The following PTDSS2 variants were observed in gnomAD, a reference collection of about 807,000 sequenced individuals.
The protein encoded by PTDSS2 is PSS-2.
In PTDSS2, 41 loss-of-function variants were observed where a neutral mutation model predicts 64.7. The ratio of observed to expected loss-of-function variants is 0.63; its 90% confidence interval spans 0.49 to 0.82. PTDSS2 has a LOEUF of 0.82. Among genes scored for constraint, PTDSS2 ranks in the 40% least tolerant of loss-of-function variants. The pLI is 0.00. For synonymous variants in PTDSS2, 297 were observed against 277.8 expected, an observed-to-expected ratio of 1.07 and a Z score of -0.69; for missense variants, 485 against 650.0, an observed-to-expected ratio of 0.75 and a Z score of 2.76.
rs557932231 is a variant in PTDSS2 at position 480,963 on chromosome 11, A to G, written c.435+1811A>G. ...GCCGGGCGTGGTCGCGGGCGCCTGT[A>G]GTCCCAGCTGCTCGGGAGGCTGAGG... On this transcript the variant is annotated intron_variant, in intron 4 of 11. Coordinates refer to ENST00000308020, the MANE Select transcript of PTDSS2 (RefSeq NM_030783.3). Among the ~76,000 whole-genome samples the G allele has an allele frequency of 1.9e-3, 289 of 152,058 alleles. 1 individual carries two copies. The highest frequency in any genetic ancestry group is 6.8e-3 in the African/African-American group (282 of 41,496).
At chr11:483,397 G>C (rs112080680) in intron 4 of PTDSS2, among the ~76,000 whole-genome samples, 39 of 151,842 alleles carry the variant, frequency 2.6e-4, no homozygotes, top group Middle Eastern at 3.4e-3. Flanking sequence ...AGTGGAGAAG[G>C]TTCTGTGAGT....
intron 2 of PTDSS2, among the ~76,000 whole-genome samples, chr11:468,915 AG>A (rs1847265247): frequency 6.9e-6 from 1 of 144,360 alleles, no homozygotes; most frequent in African/African-American, 2.6e-5. Flanking sequence ...CGGAGGGAGG[AG>A]GGGAGTCTCT....
intron 5 of PTDSS2, 98 bp downstream of exon 5, chr11:487,171 CA>C: frequency 4.2e-6 from 5 of 1,181,256 alleles, no homozygotes; most frequent in Non-Finnish European, 6.1e-6. Context: ...CCTCAGCCCA[CA>C]CTTGGGGTCT....
chr11:478,238 A>C (rs961112823), intron 3 of PTDSS2, among the ~76,000 whole-genome samples: 1 of 152,046 alleles, frequency 6.6e-6, no homozygotes. Flanking sequence ...TTTTTTTAAC[A>C]TGATAAAAAG....
At chr11:487,545 ATG>A in intron 6 of PTDSS2, 75 bp downstream of exon 6, 1 of 1,402,248 alleles carries the variant, frequency 7.1e-7, no homozygotes, top group Non-Finnish European at 1.0e-6. Context: ...GTTTCTGTCC[ATG>A]GAGTTGAGCT....
intron 1 of PTDSS2, among the ~76,000 whole-genome samples, chr11:456,659 G>A (rs569204009): frequency 1.2e-4 from 18 of 152,316 alleles, no homozygotes; most frequent in Non-Finnish European, 1.3e-4. Context: ...AGGAGGACAC[G>A]TTCTGTAAGT....
At position 479,481 on chromosome 11, in the gene PTDSS2, AG is replaced by A. The variant is rs1156617803; in HGVS notation, c.435+332del. 7.3e-6 allele frequency: 3 copies of A among 413,776 alleles called. No homozygotes were observed. The Admixed American group carries it at 1.2e-4, about 16-fold the overall frequency. 25.6% of individuals were successfully genotyped at this position (413,776 alleles called of 1,614,324 possible). On this transcript the variant is annotated intron_variant, in intron 4 of 11. Coordinates refer to ENST00000308020, the MANE Select transcript of PTDSS2 (RefSeq NM_030783.3). The surrounding 1 kb of genome is among the most constrained non-coding windows in gnomAD (Gnocchi z 4.2). Reference sequence around the variant, plus strand: ...CAGTGGTGCAGGCACAGAAGAGGGCAGGGCCAGTGGTGCAGCTGCCAGGGTG... The same window carrying A: ...CAGTGGTGCAGGCACAGAAGAGGGCAGGCCAGTGGTGCAGCTGCCAGGGTG...
At chr11:489,838 G>T in intron 10 of PTDSS2, 45 bp from the exon 11 acceptor site, 1 of 1,544,930 alleles carries the variant, frequency 6.5e-7, no homozygotes, top group South Asian at 1.2e-5. Flanking sequence ...CCGCCTGGAG[G>T]ACCCTGCGGG....
At chr11:478,846 A>G (rs1048228587) in intron 3 of PTDSS2, among the ~76,000 whole-genome samples, 1 of 152,238 alleles carries the variant, frequency 6.6e-6, no homozygotes, top group Non-Finnish European at 1.5e-5. Context: ...CTGTGCAACA[A>G]TTTATGGGCA....
At chr11:482,389 A>C (rs1332282210) in intron 4 of PTDSS2, among the ~76,000 whole-genome samples, 1 of 151,840 alleles carries the variant, frequency 6.6e-6, no homozygotes, top group Non-Finnish European at 1.5e-5. Context: ...CACCCGACTA[A>C]TTTTGTATTT....
chr11:471,769 G>A (rs1847456512), intron 2 of PTDSS2, among the ~76,000 whole-genome samples: 1 of 146,824 alleles, frequency 6.8e-6, no homozygotes, highest in Non-Finnish European at 1.5e-5. Context: ...TGACGCGGAT[G>A]GCGGCCTGGG....
In PTDSS2 at chr11:490,848, C is replaced by T. The variant is rs914211638; in HGVS notation, c.*266C>T. The T allele has an allele frequency of 6.6e-6, 3 of 453,050 alleles. No individual in the cohort carries two copies. The highest frequency in any genetic ancestry group is 7.9e-6 in the Non-Finnish European group (2 of 251,810). The allele number at this position is 453,050 out of a possible 1,614,324, so 28.1% of individuals were successfully genotyped here. A position where few individuals can be genotyped will look rare whatever the true frequency, so the allele number is the denominator to read the frequency against. Reference sequence around the variant, plus strand: ...CATGCGTGGCCGCCTGTGGTGTGCACGTGTGCTCTGGGCTCCGAGGCTTCT... The same window carrying T: ...CATGCGTGGCCGCCTGTGGTGTGCATGTGTGCTCTGGGCTCCGAGGCTTCT... On this transcript the variant is annotated 3_prime_UTR_variant, in exon 12 of 12. Transcript: ENST00000308020.
intron 1 of PTDSS2, among the ~76,000 whole-genome samples, chr11:455,587 C>A (rs1846549561): frequency 1.3e-5 from 2 of 152,230 alleles, no homozygotes; most frequent in Non-Finnish European, 2.9e-5. Flanking sequence ...TCACTTCAGA[C>A]ATGTGCACCC....
chr11:456,279 C>T (rs554463968), intron 1 of PTDSS2, among the ~76,000 whole-genome samples: 3 of 144,750 alleles, frequency 2.1e-5, no homozygotes, highest in Admixed American at 7.2e-5. Flanking sequence ...CCGAAGTAAT[C>T]TCCCCTCACC....
chr11:460,209 CT>C lies in PTDSS2; in HGVS notation c.206del (p.Leu69ProfsTer11). 1 of 1,614,180 alleles carries C rather than the reference CT, an allele frequency of 6.2e-7. No individual in the cohort carries two copies. Among genetic ancestry groups the C allele is most frequent in the Non-Finnish European group, 8.5e-7 (1 of 1,180,008 alleles). On this transcript the variant is annotated frameshift_variant, in exon 2 of 12. Transcript: ENST00000308020. LOFTEE classifies it high-confidence loss of function. This position sits in a 1 kb window ranked among gnomAD's most constrained non-coding sequence, Gnocchi z 5.8. ...CAGGCGAGCCCACACCTTAACCGTGCTCTTCATCCTCACCTGTACGCTTGGC... is the reference window on the plus strand; with the variant it reads ...CAGGCGAGCCCACACCTTAACCGTGCCTTCATCCTCACCTGTACGCTTGGC... ...FFWRAHTLTV[L>X]FILTCTLGYV... is the part of the protein sequence containing the mutation.
upstream of PTDSS2, among the ~76,000 whole-genome samples, chr11:448,627 C>T (rs1334591700): frequency 6.6e-6 from 1 of 152,194 alleles, no homozygotes; most frequent in Admixed American, 6.5e-5. Flanking sequence ...CCCCCTGGAG[C>T]CAGCGCCTCC....
intron 3 of PTDSS2, among the ~76,000 whole-genome samples, chr11:477,116 C>T (rs933677577): frequency 2.5e-4 from 38 of 152,308 alleles, no homozygotes; most frequent in Admixed American, 2.4e-3. Context: ...ATGCCCAGTC[C>T]GGCAGCTGTA....
chr11:454,770 C>T (rs1258609346), intron 1 of PTDSS2, among the ~76,000 whole-genome samples: 1 of 152,184 alleles, frequency 6.6e-6, no homozygotes, highest in East Asian at 1.9e-4. Flanking sequence ...GCCTGGGTGA[C>T]AGAGCAAGAC....
At chr11:454,980 A>G (rs11823647) in intron 1 of PTDSS2, among the ~76,000 whole-genome samples, 57,061 of 151,316 alleles carry the variant, frequency 0.38, 11,619 homozygotes, top group African/African-American at 0.54. Flanking sequence ...ACTGGGTTGC[A>G]GGCACGTCCG....
Sources: allele counts gnomAD v4.1 joint callset (sites outside exome capture counted in the v4.1 genomes callset), GRCh38; gene constraint gnomAD v4.1.1; non-coding constraint Gnocchi (gnomAD v3.1); transcripts MANE v1.5; gene names NCBI Gene and HGNC (gene_info 2026-07-23, HGNC 2026-07-21).